Variants in RNF145 observed in about 807,000 individuals in gnomAD.
The protein encoded by RNF145 is ring finger protein 145.
Under a neutral mutation model 57.3 loss-of-function variants are expected in RNF145, and 12 were observed. That is an observed-to-expected ratio of 0.21 (90% CI 0.13 to 0.34). RNF145 has a LOEUF of 0.34. Among genes scored for constraint, RNF145 ranks in the 10% least tolerant of loss-of-function variants. The pLI is 1.00. For missense variants in RNF145, 429 were observed against 799.0 expected (o/e 0.54, Z 5.58); for synonymous variants, 262 against 288.3 (o/e 0.91, Z 0.92).
At chr5:159,208,204 G>T (rs151120927) in intron 1 of RNF145, 25 of 1,304,858 alleles carry the variant, frequency 1.9e-5, no homozygotes, top group Middle Eastern at 3.0e-4. Context: ...AGGCAGCGCA[G>T]CAGCAGTAGC....
Position 159,169,699 on chromosome 5 carries a change from C to A in RNF145, c.918G>T (p.Met306Ile). The A allele has an allele frequency of 1.2e-6, 2 of 1,607,832 alleles. No individual in the cohort carries two copies. Among genetic ancestry groups the A allele is most frequent in the African/African-American group, 2.7e-5 (2 of 74,460 alleles). ...KFYLQGYRAF[M>I]NDPAMNRGMT... is the part of the protein sequence containing the mutation. Reference sequence around the variant, plus strand: ...CTTACCGATTCATGGCAGGATCATTCATGAAAGCTCGATAACCCTGCAAGT... The same window carrying A: ...CTTACCGATTCATGGCAGGATCATTAATGAAAGCTCGATAACCCTGCAAGT... Residue 306 changes from methionine to isoleucine, a missense_variant, in exon 7 of 11, where the codon ATG (methionine) becomes ATT (isoleucine). By Grantham distance (10) the Met-to-Ile change is conservative. Coordinates refer to ENST00000424310, the MANE Select transcript of RNF145 (RefSeq NM_001199383.2).
chr5:159,202,065 A>G (rs1785687886), intron 2 of RNF145, among the ~76,000 whole-genome samples: 1 of 152,222 alleles, frequency 6.6e-6, no homozygotes, highest in Non-Finnish European at 1.5e-5. Flanking sequence ...GGCATGGAGT[A>G]AGCATATTTA....
intron 2 of RNF145, among the ~76,000 whole-genome samples, chr5:159,198,980 A>G (rs998829005): frequency 1.3e-5 from 2 of 152,314 alleles, no homozygotes; most frequent in South Asian, 4.1e-4. Flanking sequence ...TGTCACGTAC[A>G]TACATACATA....
intron 6 of RNF145, among the ~76,000 whole-genome samples, chr5:159,171,862 T>C (rs1001945070): frequency 6.6e-6 from 1 of 152,094 alleles, no homozygotes; most frequent in African/African-American, 2.4e-5. Flanking sequence ...TATGAGAACT[T>C]CTCAAAGCAA....
At chr5:159,159,699 T>A (rs910189571) in intron 10 of RNF145, among the ~76,000 whole-genome samples, 2 of 152,248 alleles carry the variant, frequency 1.3e-5, no homozygotes, top group African/African-American at 2.4e-5. Context: ...ACAAGCCACC[T>A]GTGTGACTTT....
chr5:159,167,788 G>A lies in RNF145; in HGVS notation c.1121+1085C>T, dbSNP rs561598431. Among the ~76,000 whole-genome samples, 86 of 152,252 alleles carry A rather than the reference G, an allele frequency of 5.6e-4. 1 individual carries two copies. The highest frequency in any genetic ancestry group is 2.0e-3 in the African/African-American group (85 of 41,560). Reference sequence around the variant, plus strand: ...CTAATAGTTTGAGCTTATTTAAATTGATTTTTCAGCCATCCTACCACTTGA... The same window carrying A: ...CTAATAGTTTGAGCTTATTTAAATTAATTTTTCAGCCATCCTACCACTTGA... On this transcript the variant is annotated intron_variant, in intron 8 of 10. Coordinates refer to ENST00000424310, the MANE Select transcript of RNF145 (RefSeq NM_001199383.2).
chr5:159,190,226 G>T (rs1012593887), intron 3 of RNF145, among the ~76,000 whole-genome samples: 1 of 152,030 alleles, frequency 6.6e-6, no homozygotes, highest in African/African-American at 2.4e-5. Flanking sequence ...TAGAGAAGGG[G>T]TTTCACCATG....
intron 6 of RNF145, among the ~76,000 whole-genome samples, chr5:159,170,566 G>C (rs1280362791): frequency 1.3e-5 from 2 of 152,064 alleles, no homozygotes; most frequent in Non-Finnish European, 2.9e-5. Flanking sequence ...TACTGAGATA[G>C]ATTTAGCATT....
intron 8 of RNF145, among the ~76,000 whole-genome samples, chr5:159,167,269 G>A (rs1239289683): frequency 1.3e-5 from 2 of 152,146 alleles, no homozygotes; most frequent in Non-Finnish European, 2.9e-5. Context: ...CCACAGCCAA[G>A]AGGGCAGCCT....
chr5:159,197,186 G>C (rs1785489720), intron 2 of RNF145, among the ~76,000 whole-genome samples: 1 of 152,154 alleles, frequency 6.6e-6, no homozygotes, highest in Non-Finnish European at 1.5e-5. Context: ...AAAGGTGAAT[G>C]GTTCTTTACC....
intron 3 of RNF145, among the ~76,000 whole-genome samples, chr5:159,191,171 C>T (rs889462871): frequency 4.0e-5 from 6 of 151,776 alleles, no homozygotes; most frequent in South Asian, 2.1e-4. Context: ...CTGGGCCACA[C>T]GCAGCCCAGG....
At chr5:159,185,825 A>T (rs1240901273) in intron 3 of RNF145, among the ~76,000 whole-genome samples, 1 of 152,190 alleles carries the variant, frequency 6.6e-6, no homozygotes, top group Non-Finnish European at 1.5e-5. Flanking sequence ...GAAGGCTGAT[A>T]ATCACCCCAA....
At chr5:159,176,204 T>C (rs888048490) in intron 5 of RNF145, among the ~76,000 whole-genome samples, 4 of 152,120 alleles carry the variant, frequency 2.6e-5, no homozygotes, top group Non-Finnish European at 4.4e-5. Context: ...ATTTGACTTA[T>C]AGGTATTCAA....
intron 9 of RNF145, 52 bp downstream of exon 9, chr5:159,162,880 G>T: frequency 6.8e-7 from 1 of 1,468,078 alleles, no homozygotes; most frequent in South Asian, 1.3e-5. Flanking sequence ...TCCTCTGGGA[G>T]GAAAAATAAC....
At chr5:159,161,162 G>A in intron 10 of RNF145, 104 bp downstream of exon 10, 1 of 664,710 alleles carries the variant, frequency 1.5e-6, no homozygotes, top group Non-Finnish European at 2.6e-6. Flanking sequence ...TAATCCAGAA[G>A]ATAATTTTGC....
chr5:159,203,948 G>A lies in RNF145; in HGVS notation c.-39-292C>T, dbSNP rs537368251. 3.3e-5 allele frequency among the ~76,000 whole-genome samples: 5 copies of A among 152,286 alleles called. No individual in the cohort carries two copies. In the East Asian group the frequency reaches 5.8e-4, roughly 18 times the overall value. On this transcript the variant is annotated intron_variant, in intron 1 of 10. Transcript: ENST00000424310. ...TCCAAATCTAGGAACAAAACACTCT[G>A]TAAGACTACTGTAACTTGTATAAAA...
At chr5:159,202,200 C>G (rs565025498) in intron 2 of RNF145, among the ~76,000 whole-genome samples, 3 of 152,254 alleles carry the variant, frequency 2.0e-5, no homozygotes, top group Non-Finnish European at 2.9e-5. Flanking sequence ...ATAAATATTT[C>G]AACCTATTCA....
intron 6 of RNF145, among the ~76,000 whole-genome samples, chr5:159,172,425 G>C (rs1784588842): frequency 1.3e-5 from 2 of 151,860 alleles, no homozygotes; most frequent in South Asian, 4.1e-4. Context: ...AGGTTGCAGT[G>C]AGCCGAGATT....
chr5:159,198,515 T>C (rs1193776101), intron 2 of RNF145, among the ~76,000 whole-genome samples: 2 of 152,092 alleles, frequency 1.3e-5, no homozygotes, highest in Admixed American at 1.3e-4. Flanking sequence ...TAGGTCTTAG[T>C]GGTTATCTGT....
Sources: gnomAD v4.1 joint callset for allele counts (sites outside exome capture counted in the v4.1 genomes callset) on GRCh38, gnomAD v4.1.1 for gene constraint, MANE v1.5 for transcripts, NCBI Gene and HGNC (gene_info 2026-07-23, HGNC 2026-07-21) for gene names.